Variants in COLEC12 observed in about 807,000 individuals in gnomAD.
The protein encoded by COLEC12 is collectin subfamily member 12.
Under a neutral mutation model 71.1 loss-of-function variants are expected in COLEC12, and 33 were observed. The observed-to-expected ratio is 0.46, with a 90% CI of 0.35 to 0.62. The LOEUF is 0.62. Ranked by LOEUF, COLEC12 falls within the 20% of genes least tolerant of loss-of-function variation. COLEC12 has a pLI of 0.00. For synonymous variants in COLEC12, 350 were observed against 353.0 expected, an observed-to-expected ratio of 0.99 and a Z score of 0.10; for missense variants, 765 against 916.1, an observed-to-expected ratio of 0.84 and a Z score of 2.13.
chr18:349,293 G>A (rs62089639), intron 3 of COLEC12, among the ~76,000 whole-genome samples: 13,753 of 152,278 alleles, frequency 0.09, 722 homozygotes, highest in Admixed American at 0.15. Flanking sequence ...CTGGGGCCGT[G>A]GCTTCAGAGG....
intron 2 of COLEC12, among the ~76,000 whole-genome samples, chr18:456,052 A>AG (rs963006667): frequency 6.6e-6 from 1 of 152,202 alleles, no homozygotes; most frequent in African/African-American, 2.4e-5. Flanking sequence ...CTCAGGTGGT[A>AG]GGACAAAGCA....
chr18:388,257 G>C (rs915720439), intron 2 of COLEC12, among the ~76,000 whole-genome samples: 1 of 152,082 alleles, frequency 6.6e-6, no homozygotes, highest in Non-Finnish European at 1.5e-5. Context: ...TTCCACAATT[G>C]CAAGACACAT....
rs879308809 is a variant in COLEC12, at chr18:480,414, C to A, written c.58+293G>T. Reference sequence around the variant, plus strand: ...TTGCTGTTGTCTTGTCACAGATTTGCCTTTCCCGCTACACTTTGTCTAGTA... The same window carrying A: ...TTGCTGTTGTCTTGTCACAGATTTGACTTTCCCGCTACACTTTGTCTAGTA... On this transcript the variant is annotated intron_variant, in intron 2 of 9. Transcript: ENST00000400256. This position sits in a 1 kb window ranked among gnomAD's most constrained non-coding sequence, Gnocchi z 4.1. 1.3e-5 allele frequency among the ~76,000 whole-genome samples: 2 copies of A among 152,178 alleles called. No homozygotes were observed. The highest frequency in any genetic ancestry group is 2.9e-5 in the Non-Finnish European group (2 of 68,034).
intron 2 of COLEC12, among the ~76,000 whole-genome samples, chr18:361,384 G>A (rs1914739988): frequency 6.6e-6 from 1 of 152,090 alleles, no homozygotes; most frequent in African/African-American, 2.4e-5. Context: ...CCACCCTAGT[G>A]TGAGATCTTT....
intron 1 of COLEC12, among the ~76,000 whole-genome samples, chr18:493,471 T>C (rs188202039): frequency 6.6e-6 from 1 of 152,352 alleles, no homozygotes; most frequent in African/African-American, 2.4e-5. Flanking sequence ...ATATGAACTA[T>C]AATTCAAATC....
In COLEC12 at chr18:462,394, T is replaced by C. The variant is rs139353714; in HGVS notation, c.58+18313A>G. On this transcript the variant is annotated intron_variant, in intron 2 of 9. Transcript: ENST00000400256. ...TACATGCCACAACATGGATGAAACTTGAAGACATAAGCCAGACACAAAAGA... is the reference window on the plus strand; with the variant it reads ...TACATGCCACAACATGGATGAAACTCGAAGACATAAGCCAGACACAAAAGA... Among the ~76,000 whole-genome samples, 590 of 152,332 alleles carry C rather than the reference T, an allele frequency of 3.9e-3. 8 individuals carry two copies. The highest frequency in any genetic ancestry group is 0.014 in the African/African-American group (569 of 41,574).
chr18:500,577 G>A lies in COLEC12; in HGVS notation c.-63C>T. ...GCGCGAGCGCCGCGCAGCCGAGGAA[G>A]TCGTCCCGAGCGGCTGCTCACCGCA... On this transcript the variant is annotated 5_prime_UTR_variant, in exon 1 of 10. Coordinates refer to ENST00000400256, the MANE Select transcript of COLEC12 (RefSeq NM_130386.3). The surrounding 1 kb of genome is among the most constrained non-coding windows in gnomAD (Gnocchi z 5.3). The A allele has an allele frequency of 8.3e-7, 1 of 1,204,868 alleles. No homozygotes were observed. The highest frequency in any genetic ancestry group is 1.0e-6 in the Non-Finnish European group (1 of 969,674). The allele number at this position is 1,204,868 out of a possible 1,614,324, so 74.6% of individuals were successfully genotyped here. A position where few individuals can be genotyped will look rare whatever the true frequency, so the allele number is the denominator to read the frequency against.
chr18:399,358 G>GC lies in COLEC12; in HGVS notation c.59-41837_59-41836insG, dbSNP rs1915633285. 1.3e-5 allele frequency among the ~76,000 whole-genome samples: 2 copies of GC among 152,162 alleles called. No homozygotes were observed. Among genetic ancestry groups the GC allele is most frequent in the Non-Finnish European group, 2.9e-5 (2 of 68,028 alleles). On this transcript the variant is annotated intron_variant, in intron 2 of 9. Coordinates refer to ENST00000400256, the MANE Select transcript of COLEC12 (RefSeq NM_130386.3). The surrounding 1 kb of genome is among the most constrained non-coding windows in gnomAD (Gnocchi z 4.0). ...AAGCAGGCCAGACGAGAGGCTTTTT[G>GC]GAAGGGTTCTCATCACTGTGTAGCG...
Position 330,431 on chromosome 18 carries a change from G to T in COLEC12, c.2063+1237C>A, listed in dbSNP as rs990385395. Among the ~76,000 whole-genome samples the T allele has an allele frequency of 2.4e-4, 36 of 151,912 alleles. 1 individual carries two copies. Among genetic ancestry groups the T allele is most frequent in the African/African-American group, 8.5e-4 (35 of 41,416 alleles). On this transcript the variant is annotated intron_variant, in intron 8 of 9. Transcript: ENST00000400256. ...CAATGCGGTGATGCTCCTGTGCCTG[G>T]TGGAGCCCTGCAGGGTCTGGCCTCT... is the stretch of plus-strand genomic sequence containing the variant.
At chr18:322,151 T>TGTA (rs35860314) in intron 8 of COLEC12, among the ~76,000 whole-genome samples, 32,618 of 151,356 alleles carry the variant, frequency 0.22, 3,576 homozygotes, top group East Asian at 0.29. Context: ...TGGGCATGAG[T>TGTA]GTATATATGT....
intron 5 of COLEC12, among the ~76,000 whole-genome samples, chr18:342,090 T>G (rs981034729): frequency 2.6e-5 from 4 of 152,194 alleles, no homozygotes; most frequent in Non-Finnish European, 4.4e-5. Flanking sequence ...GGAGTTTCAC[T>G]CTTGTTGCCC....
At chr18:340,384 G>A (rs1914223736) in intron 5 of COLEC12, among the ~76,000 whole-genome samples, 1 of 152,158 alleles carries the variant, frequency 6.6e-6, no homozygotes, top group African/African-American at 2.4e-5. Context: ...GGTTTGTGCT[G>A]TCAGTGACAC....
At chr18:330,766 G>A (rs567617574) in intron 8 of COLEC12, among the ~76,000 whole-genome samples, 3 of 151,950 alleles carry the variant, frequency 2.0e-5, no homozygotes, top group South Asian at 4.2e-4. Context: ...AGGTCACATG[G>A]AACTTATGGG....
chr18:335,102 G>T lies in COLEC12; in HGVS notation c.1456C>A (p.Pro486Thr), dbSNP rs1194185502. The T allele has an allele frequency of 1.2e-6, 2 of 1,612,068 alleles. No homozygotes were observed. The highest frequency in any genetic ancestry group is 1.6e-4 in the Middle Eastern group (1 of 6,064). Residue 486 changes from proline (P) to threonine (T), a missense_variant, in exon 6 of 10, where the codon CCA becomes ACA. Coordinates refer to ENST00000400256, the MANE Select transcript of COLEC12 (RefSeq NM_130386.3). ...GPPGPAGERG[P>T]IGPAGPPGER... ...CCGGGGGGACCAGCTGGTCCAATTG[G>T]GCCTCTCTCACCCGCAGGGCCAGGT... is the stretch of plus-strand genomic sequence containing the variant.
chr18:472,581 G>A (rs1917218991), intron 2 of COLEC12, among the ~76,000 whole-genome samples: 1 of 151,110 alleles, frequency 6.6e-6, no homozygotes, highest in Non-Finnish European at 1.5e-5. Flanking sequence ...CAGCTACTTG[G>A]GAGGCTGAGG....
chr18:402,570 G>A (rs1459623609), intron 2 of COLEC12, among the ~76,000 whole-genome samples: 1 of 152,068 alleles, frequency 6.6e-6, no homozygotes, highest in Non-Finnish European at 1.5e-5. Flanking sequence ...GACGTCTCTT[G>A]GCTCCTCTGC....
At chr18:356,019 A>C (rs1416132713) in intron 3 of COLEC12, among the ~76,000 whole-genome samples, 1 of 152,222 alleles carries the variant, frequency 6.6e-6, no homozygotes, top group Admixed American at 6.5e-5. Context: ...ATCAGCCAAC[A>C]CACTCAATGA....
chr18:358,757 G>A (rs1400521032), intron 2 of COLEC12, among the ~76,000 whole-genome samples: 1 of 152,164 alleles, frequency 6.6e-6, no homozygotes, highest in Non-Finnish European at 1.5e-5. Context: ...AGGCTACATG[G>A]TATGGCCTGT....
At chr18:459,891 G>C (rs1470082694) in intron 2 of COLEC12, among the ~76,000 whole-genome samples, 1 of 152,184 alleles carries the variant, frequency 6.6e-6, no homozygotes, top group Non-Finnish European at 1.5e-5. Context: ...TCAGATTGTT[G>C]TCTCTTAATT....
Sources: gnomAD v4.1 joint callset for allele counts (sites outside exome capture counted in the v4.1 genomes callset) on GRCh38, gnomAD v4.1.1 for gene constraint, Gnocchi (gnomAD v3.1) non-coding constraint, MANE v1.5 for transcripts, NCBI Gene and HGNC (gene_info 2026-07-23, HGNC 2026-07-21) for gene names.